Variants in OSBPL1A observed in about 807,000 individuals in gnomAD.
The protein encoded by OSBPL1A is oxysterol-binding protein-related protein 1.
A neutral mutation model predicts 137.1 loss-of-function variants in OSBPL1A; 80 were observed. The observed-to-expected ratio is 0.58, with a 90% CI of 0.49 to 0.70. OSBPL1A has a LOEUF of 0.70. Among genes scored for constraint, OSBPL1A ranks in the 30% least tolerant of loss-of-function variants. OSBPL1A has a pLI of 0.00. For missense variants in OSBPL1A, 970 were observed against 1,129.4 expected, an observed-to-expected ratio of 0.86 and a Z score of 2.02; for synonymous variants, 365 against 389.7, an observed-to-expected ratio of 0.94 and a Z score of 0.75.
intron 1 of OSBPL1A, among the ~76,000 whole-genome samples, chr18:24,380,239 A>T (rs1244971116): frequency 6.6e-6 from 1 of 152,222 alleles, no homozygotes; most frequent in Non-Finnish European, 1.5e-5. Flanking sequence ...GGAAGCCACC[A>T]GGGGTGTAGC....
intron 2 of OSBPL1A, among the ~76,000 whole-genome samples, chr18:24,372,806 G>A (rs1284793987): frequency 6.6e-6 from 1 of 152,118 alleles, no homozygotes; most frequent in African/African-American, 2.4e-5. Context: ...GCTCACACCT[G>A]TAATCCCAGC....
intron 12 of OSBPL1A, 43 bp from the exon 13 acceptor site, chr18:24,312,149 T>A: frequency 6.2e-7 from 1 of 1,606,458 alleles, no homozygotes; most frequent in South Asian, 1.1e-5. Flanking sequence ...AAAGCATTTT[T>A]ATTCCAAAGA....
At chr18:24,378,546 T>C (rs1906358848) in intron 1 of OSBPL1A, among the ~76,000 whole-genome samples, 1 of 152,256 alleles carries the variant, frequency 6.6e-6, no homozygotes, top group Non-Finnish European at 1.5e-5. Context: ...TACAAGATTA[T>C]TTTGAAACCA....
At chr18:24,388,465 T>G (rs983293233) in intron 1 of OSBPL1A, among the ~76,000 whole-genome samples, 2 of 126,834 alleles carry the variant, frequency 1.6e-5, no homozygotes, top group Admixed American at 7.7e-5. Context: ...AAATTAACAG[T>G]TTTTTTTTTC....
At chr18:24,193,326 A>C (rs2086941204) in intron 18 of OSBPL1A, among the ~76,000 whole-genome samples, 1 of 151,984 alleles carries the variant, frequency 6.6e-6, no homozygotes, top group Non-Finnish European at 1.5e-5. Context: ...ATCTCTGCTA[A>C]AAGTACAAAA....
intron 13 of OSBPL1A, among the ~76,000 whole-genome samples, chr18:24,306,017 C>T (rs191340470): frequency 3.9e-5 from 6 of 152,214 alleles, no homozygotes; most frequent in African/African-American, 9.6e-5. Context: ...AGCATGAGAA[C>T]GAACTAATAC....
At chr18:24,296,828 C>G (rs1418040364) in intron 14 of OSBPL1A, among the ~76,000 whole-genome samples, 1 of 152,090 alleles carries the variant, frequency 6.6e-6, no homozygotes, top group Non-Finnish European at 1.5e-5. Context: ...ATTAAAGCAT[C>G]CCTGCATCCC....
intron 15 of OSBPL1A, among the ~76,000 whole-genome samples, chr18:24,254,532 T>C (rs1454166952): frequency 6.6e-6 from 1 of 152,248 alleles, no homozygotes; most frequent in Middle Eastern, 3.4e-3. Flanking sequence ...TAGAAATCAA[T>C]GACGCGAGGA....
chr18:24,198,290 A>C (rs949262927), intron 17 of OSBPL1A, among the ~76,000 whole-genome samples: 1 of 152,212 alleles, frequency 6.6e-6, no homozygotes, highest in Non-Finnish European at 1.5e-5. Context: ...AATATCTTGG[A>C]GGCAGAAGAT....
chr18:24,191,894 T>C (rs905099862), intron 18 of OSBPL1A, among the ~76,000 whole-genome samples: 2 of 152,146 alleles, frequency 1.3e-5, no homozygotes, highest in Non-Finnish European at 2.9e-5. Context: ...AAAGGAGACA[T>C]AGAAGTATAA....
chr18:24,205,501 A>G (rs937746221), intron 17 of OSBPL1A, among the ~76,000 whole-genome samples: 1 of 152,204 alleles, frequency 6.6e-6, no homozygotes, highest in African/African-American at 2.4e-5. Context: ...TTCACCCCAT[A>G]TGTGTGCATT....
chr18:24,170,224 GAAGA>G, intron 24 of OSBPL1A, 99 bp downstream of exon 24: 1 of 1,345,086 alleles, frequency 7.4e-7, no homozygotes, highest in Admixed American at 2.2e-5. Context: ...CAACAAGGAA[GAAGA>G]AAGTTAAACT....
At chr18:24,262,761 C>T (rs2089471513) in intron 15 of OSBPL1A, among the ~76,000 whole-genome samples, 1 of 148,576 alleles carries the variant, frequency 6.7e-6, no homozygotes, top group African/African-American at 2.5e-5. Flanking sequence ...CCATGTGCCC[C>T]TTTCACGGTC....
intron 15 of OSBPL1A, among the ~76,000 whole-genome samples, chr18:24,270,415 C>A (rs1317663982): frequency 1.3e-5 from 2 of 152,108 alleles, no homozygotes; most frequent in African/African-American, 4.8e-5. Context: ...CAACTGGGGG[C>A]AAAGAAATTA....
intron 2 of OSBPL1A, among the ~76,000 whole-genome samples, chr18:24,374,672 G>GTGTC (rs1905945466): frequency 6.6e-6 from 1 of 152,210 alleles, no homozygotes; most frequent in Non-Finnish European, 1.5e-5. Flanking sequence ...GAACAGGAGT[G>GTGTC]TGTCTGCATT....
intron 2 of OSBPL1A, among the ~76,000 whole-genome samples, chr18:24,369,156 G>C (rs1171180708): frequency 6.6e-6 from 1 of 152,172 alleles, no homozygotes; most frequent in Non-Finnish European, 1.5e-5. Flanking sequence ...GAACTCTACA[G>C]ATAGTGCCTG....
At chr18:24,336,480 G>A (rs892642735) in intron 5 of OSBPL1A, among the ~76,000 whole-genome samples, 3 of 152,072 alleles carry the variant, frequency 2.0e-5, no homozygotes, top group East Asian at 1.9e-4. Context: ...TAGAATGCTC[G>A]CAATGTTGAT....
intron 1 of OSBPL1A, among the ~76,000 whole-genome samples, chr18:24,388,297 C>G (rs1450523573): frequency 6.6e-6 from 1 of 152,136 alleles, no homozygotes; most frequent in Non-Finnish European, 1.5e-5. Flanking sequence ...ATATCCCTAG[C>G]AAGGTGCCTA....
intron 5 of OSBPL1A, among the ~76,000 whole-genome samples, chr18:24,341,187 G>A (rs2091267694): frequency 6.6e-6 from 1 of 151,966 alleles, no homozygotes; most frequent in Non-Finnish European, 1.5e-5. Context: ...AAAATTTTTT[G>A]TAGAGACAGG....
Sources: allele counts gnomAD v4.1 joint callset (sites outside exome capture counted in the v4.1 genomes callset), GRCh38; gene constraint gnomAD v4.1.1; transcripts MANE v1.5; gene names NCBI Gene and HGNC (gene_info 2026-07-23, HGNC 2026-07-21).